MDN1: variants seen among roughly 807,000 people sequenced by gnomAD.
MDN1 encodes the protein midasin.
Under a neutral mutation model 669.2 loss-of-function variants are expected in MDN1, and 266 were observed. The observed-to-expected ratio is 0.40, with a 90% CI of 0.36 to 0.44. The LOEUF (loss-of-function observed/expected upper bound fraction) is 0.44. Among genes scored for constraint, MDN1 ranks in the 20% least tolerant of loss-of-function variants. MDN1 has a pLI of 1.00. For missense variants in MDN1, 5,940 were observed against 6,754.0 expected (o/e 0.88, Z 4.22); for synonymous variants, 2,385 against 2,457.1 (o/e 0.97, Z 0.87).
intron 11 of MDN1, among the ~76,000 whole-genome samples, chr6:89,778,144 G>T (rs1198937188): frequency 5.4e-5 from 8 of 149,350 alleles, no homozygotes; most frequent in Admixed American, 4.7e-4. Flanking sequence ...TTATATTTTT[G>T]TCCTGACAGT....
Position 89,650,163 on chromosome 6 carries a change from C to T in MDN1, c.16067G>A (p.Arg5356Gln), listed in dbSNP as rs370927784. 2.9e-5 allele frequency: 46 copies of T among 1,613,984 alleles called. No individual in the cohort carries two copies. The Admixed American group carries it at 3.0e-4, about 11-fold the overall frequency. The change falls in exon 97 of 102, where the codon CGG becomes CAG. Residue 5356 changes from arginine (R) to glutamine (Q), a missense_variant. This residue lies in a region of MDN1 where 2,280 missense variants were observed against 2,576.3 expected (regional missense o/e 0.88). Transcript: ENST00000369393. ...ACTAGCAATGTATGGAATGACTTTC[C>T]GTATGTTTAGTCGTTTCCCAGTTCG... ...DYRTGKRLNI[R>Q]KVIPYIASQF...
At position 89,794,128 on chromosome 6, in the gene MDN1, T is replaced by C; in HGVS notation, c.634A>G (p.Ser212Gly). The change falls in exon 4 of 102, where the codon AGT (serine) becomes GGT (glycine). Residue 212 changes from serine (S) to glycine (G), a missense_variant. By Grantham distance (56) the Ser-to-Gly change is moderately conservative (BLOSUM62 0). This residue lies in a region of MDN1 where 1,203 missense variants were observed against 1,268.9 expected (regional missense o/e 0.95). Transcript: ENST00000369393. ...AACCTGAAATGGATCAATTCATCACTATTAAATATCTTCTTAAGAAATGAT... is the reference window on the plus strand; with the variant it reads ...AACCTGAAATGGATCAATTCATCACCATTAAATATCTTCTTAAGAAATGAT... ...KLSFLKKIFN[S>G]DELIHFRLRL... is the part of the protein sequence containing the mutation. 6.3e-7 allele frequency: 1 copy of C among 1,599,914 alleles called. No homozygotes were observed. The highest frequency in any genetic ancestry group is 1.1e-5 in the South Asian group (1 of 87,902).
At chr6:89,711,206 A>T (rs1813891514) in intron 49 of MDN1, among the ~76,000 whole-genome samples, 1 of 152,198 alleles carries the variant, frequency 6.6e-6, no homozygotes, top group Non-Finnish European at 1.5e-5. Flanking sequence ...TTACAATTCA[A>T]GCAATGTTGT....
At chr6:89,703,215 G>A (rs1386167378) in intron 53 of MDN1, among the ~76,000 whole-genome samples, 1 of 152,092 alleles carries the variant, frequency 6.6e-6, no homozygotes, top group Admixed American at 6.5e-5. Context: ...TAGGATTATA[G>A]GCATGAGCCA....
chr6:89,716,865 T>A (rs1265084011), intron 43 of MDN1, 56 bp from the exon 44 acceptor site: 2 of 1,471,822 alleles, frequency 1.4e-6, no homozygotes, highest in Non-Finnish European at 1.8e-6. Context: ...AAACAAAGAA[T>A]TAAGTTTATG....
intron 91 of MDN1, among the ~76,000 whole-genome samples, chr6:89,656,471 G>A (rs552757599): frequency 2.6e-5 from 4 of 152,296 alleles, no homozygotes; most frequent in African/African-American, 9.6e-5. Context: ...CTTCATGGCC[G>A]GAATCAGGGG....
chr6:89,685,696 G>A (rs991303464), intron 70 of MDN1, 131 bp downstream of exon 70: 17 of 958,100 alleles, frequency 1.8e-5, no homozygotes, highest in Admixed American at 8.4e-5. Context: ...AATGTGAATC[G>A]CATTAAACAT....
At chr6:89,776,138 G>A (rs1275205523) in intron 12 of MDN1, among the ~76,000 whole-genome samples, 3 of 152,162 alleles carry the variant, frequency 2.0e-5, no homozygotes, top group Admixed American at 6.5e-5. Context: ...CACTGAAGAC[G>A]ACACAGGACA....
At chr6:89,751,061 T>C (rs1336680884) in intron 23 of MDN1, among the ~76,000 whole-genome samples, 1 of 152,180 alleles carries the variant, frequency 6.6e-6, no homozygotes, top group East Asian at 1.9e-4. Context: ...AGAAGTATCT[T>C]TGTAAACATT....
chr6:89,811,118 C>A (rs1427399697), intron 1 of MDN1, among the ~76,000 whole-genome samples: 4 of 152,118 alleles, frequency 2.6e-5, no homozygotes, highest in Admixed American at 2.6e-4. Flanking sequence ...ACAATTTAAC[C>A]CACAATATGG....
chr6:89,669,359 G>A (rs938128102), intron 83 of MDN1, among the ~76,000 whole-genome samples: 1 of 152,210 alleles, frequency 6.6e-6, no homozygotes, highest in Non-Finnish European at 1.5e-5. Context: ...GGAGAAACCT[G>A]AGACTCATTC....
At position 89,718,371 on chromosome 6, in the gene MDN1, T is replaced by C; in HGVS notation, c.6578A>G (p.Lys2193Arg). The C allele has an allele frequency of 6.2e-7, 1 of 1,613,482 alleles. No homozygotes were observed. The highest frequency in any genetic ancestry group is 1.1e-5 in the South Asian group (1 of 91,080). Residue 2193 changes from lysine (K) to arginine (R), a missense_variant, in exon 43 of 102, where the codon AAG (lysine) becomes AGG (arginine). Transcript: ENST00000369393. The part of the protein sequence containing the change: ...RLNNKINSYC[K>R]AEFAKLVEEF... ...AGAGATCCAAATATACATACCTGCC[T>C]TGCAGTATGAGTTGATTTTATTGTT...
chr6:89,723,720 TAAC>T (rs1463463605), intron 38 of MDN1, 101 bp from the exon 39 acceptor site: 2 of 539,316 alleles, frequency 3.7e-6, no homozygotes, highest in Non-Finnish European at 6.3e-6. Context: ...TAATACCAAG[TAAC>T]AATACATGAG....
intron 22 of MDN1, 94 bp from the exon 23 acceptor site, chr6:89,751,676 T>A: frequency 1.6e-6 from 2 of 1,288,636 alleles, no homozygotes; most frequent in South Asian, 1.5e-5. Flanking sequence ...TTGAACAAGC[T>A]GTCTTGTTCT....
At chr6:89,784,719 A>C (rs1391832558) in intron 9 of MDN1, among the ~76,000 whole-genome samples, 1 of 152,178 alleles carries the variant, frequency 6.6e-6, no homozygotes, top group Admixed American at 6.5e-5. Context: ...ATTTGAATAT[A>C]ATCTAAGAAT....
intron 41 of MDN1, 41 bp from the exon 42 acceptor site, chr6:89,719,071 G>GT: frequency 6.2e-7 from 1 of 1,613,748 alleles, no homozygotes; most frequent in South Asian, 1.1e-5. Context: ...AGCGTGCCTG[G>GT]TAGTGGGAGC....
chr6:89,669,244 C>A (rs1279193587), intron 83 of MDN1, among the ~76,000 whole-genome samples: 1 of 152,224 alleles, frequency 6.6e-6, no homozygotes, highest in Non-Finnish European at 1.5e-5. Flanking sequence ...TGAGCCAAAT[C>A]TCAAGGCACC....
chr6:89,782,776 T>C (rs1004048409), intron 9 of MDN1, among the ~76,000 whole-genome samples: 58 of 151,720 alleles, frequency 3.8e-4, no homozygotes, highest in African/African-American at 1.4e-3. Context: ...CTGTCTCTAC[T>C]AAAAATTAAA....
chr6:89,764,215 C>A (rs1237693452), intron 15 of MDN1, among the ~76,000 whole-genome samples: 1 of 152,112 alleles, frequency 6.6e-6, no homozygotes, highest in Non-Finnish European at 1.5e-5. Flanking sequence ...GAACTCATCC[C>A]TTTATAAAAA....
Sources: allele counts gnomAD v4.1 joint callset (sites outside exome capture counted in the v4.1 genomes callset), GRCh38; gene constraint gnomAD v4.1.1; regional missense constraint gnomAD v4.1.1; transcripts MANE v1.5; gene names NCBI Gene and HGNC (gene_info 2026-07-23, HGNC 2026-07-21).